Variants in PRKN observed in about 807,000 individuals in gnomAD.
The protein encoded by PRKN is E3 ubiquitin-protein ligase parkin.
In PRKN, 56 loss-of-function variants were observed where a neutral mutation model predicts 59.5. That is an observed-to-expected ratio of 0.94 (90% CI 0.76 to 1.18). PRKN has a LOEUF of 1.18. Among genes scored for constraint, PRKN ranks in the 50% most tolerant of loss-of-function variants. The pLI, the probability that PRKN is intolerant of heterozygous loss-of-function variation, is 0.00. For synonymous variants in PRKN, 250 were observed against 222.1 expected (o/e 1.13, Z -1.12); for missense variants, 657 against 596.4 (o/e 1.10, Z -1.06).
At chr6:162,345,149 G>T (rs577316877) in intron 2 of PRKN, among the ~76,000 whole-genome samples, 1 of 152,116 alleles carries the variant, frequency 6.6e-6, no homozygotes, top group African/African-American at 2.4e-5. Context: ...GAATAACTCC[G>T]AATACAACAC....
intron 9 of PRKN, among the ~76,000 whole-genome samples, chr6:161,476,477 A>C (rs1313766936): frequency 6.6e-6 from 1 of 152,192 alleles, no homozygotes; most frequent in East Asian, 1.9e-4. Context: ...TTTAGAACTC[A>C]GACACTTAAG....
intron 1 of PRKN, among the ~76,000 whole-genome samples, chr6:162,698,310 CA>C (rs34292307): frequency 0.79 from 119,515 of 152,036 alleles, 47,161 homozygotes; most frequent in East Asian, 0.97. Flanking sequence ...CAACTTCTTT[CA>C]CAGCCAGGAC....
At chr6:162,556,397 G>GTC (rs1779597733) in intron 1 of PRKN, among the ~76,000 whole-genome samples, 1 of 127,692 alleles carries the variant, frequency 7.8e-6, no homozygotes, top group South Asian at 2.7e-4. Context: ...GTGTGTGTGT[G>GTC]TGTGTGTCAG....
In PRKN at chr6:161,931,054, G is replaced by C. The variant is rs182274528; in HGVS notation, c.734+42248C>G. On this transcript the variant is annotated intron_variant, in intron 6 of 11. Coordinates refer to ENST00000366898, the MANE Select transcript of PRKN (RefSeq NM_004562.3). ...TGTTATTTTTAGCCACTACATTTGTGGTAATTGGTTATAGCAGCTGAAAAA... is the reference window on the plus strand; with the variant it reads ...TGTTATTTTTAGCCACTACATTTGTCGTAATTGGTTATAGCAGCTGAAAAA... Among the ~76,000 whole-genome samples the C allele has an allele frequency of 3.2e-3, 486 of 152,320 alleles. 2 individuals are homozygous for C. The highest frequency in any genetic ancestry group is 5.1e-3 in the Non-Finnish European group (349 of 68,032).
intron 2 of PRKN, among the ~76,000 whole-genome samples, chr6:162,359,549 T>C (rs902049803): frequency 2.0e-5 from 3 of 151,492 alleles, no homozygotes; most frequent in Non-Finnish European, 4.4e-5. Context: ...ATGAGTTAAG[T>C]ATTCCTTTTT....
intron 4 of PRKN, among the ~76,000 whole-genome samples, chr6:162,151,988 AC>A (rs772369359): frequency 1.3e-5 from 2 of 152,326 alleles, no homozygotes; most frequent in South Asian, 2.1e-4. Context: ...TGCTTTATGT[AC>A]CCTTAAATTA....
Position 161,363,726 on chromosome 6 carries a change from G to T in PRKN, c.1168-3521C>A, listed in dbSNP as rs1169172322. Among the ~76,000 whole-genome samples, 1 of 152,208 alleles carries T rather than the reference G, an allele frequency of 6.6e-6. No individual in the cohort carries two copies. The highest frequency in any genetic ancestry group is 1.5e-5 in the Non-Finnish European group (1 of 68,042). ...TAATGCATGGGTGCTGGCAGACAGT[G>T]ATGGTATCTTCAAAGCACTGACAGA... On this transcript the variant is annotated intron_variant, in intron 10 of 11. Coordinates refer to ENST00000366898, the MANE Select transcript of PRKN (RefSeq NM_004562.3). The surrounding 1 kb of genome is among the most constrained non-coding windows in gnomAD (Gnocchi z 4.1).
At chr6:162,647,979 T>G (rs910753643) in intron 1 of PRKN, among the ~76,000 whole-genome samples, 41 of 45,620 alleles carry the variant, frequency 9.0e-4, no homozygotes, top group Admixed American at 4.3e-3. Flanking sequence ...AAAAAAAAAG[T>G]CTACGGGGCA....
chr6:162,656,264 T>C (rs1314287280), intron 1 of PRKN, among the ~76,000 whole-genome samples: 1 of 152,222 alleles, frequency 6.6e-6, no homozygotes, highest in Non-Finnish European at 1.5e-5. Context: ...CCACTCTCAG[T>C]ACTTTTAAGT....
chr6:161,559,819 G>C (rs893332250), intron 8 of PRKN, among the ~76,000 whole-genome samples: 4 of 152,124 alleles, frequency 2.6e-5, no homozygotes, highest in African/African-American at 9.7e-5. Context: ...GAACTTGGAT[G>C]AACCAAAATA....
At chr6:162,011,430 ATATG>A (rs1386652110) in intron 5 of PRKN, among the ~76,000 whole-genome samples, 2 of 22,434 alleles carry the variant, frequency 8.9e-5, no homozygotes, top group African/African-American at 1.1e-3. Flanking sequence ...TTTATAATAT[ATATG>A]TTATATATTT....
At chr6:162,173,147 T>C (rs1353261905) in intron 4 of PRKN, among the ~76,000 whole-genome samples, 2 of 152,172 alleles carry the variant, frequency 1.3e-5, no homozygotes, top group African/African-American at 4.8e-5. Flanking sequence ...ACATTGGCCA[T>C]CCTCCTGGGT....
At chr6:162,419,611 C>T (rs1350538999) in intron 2 of PRKN, among the ~76,000 whole-genome samples, 1 of 152,120 alleles carries the variant, frequency 6.6e-6, no homozygotes, top group Non-Finnish European at 1.5e-5. Context: ...ACAGTGCCCA[C>T]AACGCTCCCA....
intron 2 of PRKN, among the ~76,000 whole-genome samples, chr6:162,377,624 T>A (rs1416435449): frequency 1.3e-5 from 2 of 152,258 alleles, no homozygotes; most frequent in East Asian, 3.9e-4. Flanking sequence ...AGCCTACAGA[T>A]CGGCTCCCTG....
chr6:162,130,133 A>T (rs1444953354), intron 4 of PRKN, among the ~76,000 whole-genome samples: 2 of 152,132 alleles, frequency 1.3e-5, no homozygotes, highest in Non-Finnish European at 2.9e-5. Flanking sequence ...CCCCAAATAC[A>T]GGAATCTACC....
At chr6:162,260,711 C>T (rs1346736471) in intron 3 of PRKN, among the ~76,000 whole-genome samples, 1 of 152,078 alleles carries the variant, frequency 6.6e-6, no homozygotes, top group African/African-American at 2.4e-5. Context: ...TATTAAAGAA[C>T]ATGAATATGT....
rs751843895 is a variant in PRKN, at chr6:161,545,459, A to G, written c.1083+3395T>C. 6.5e-7 allele frequency: 1 copy of G among 1,536,772 alleles called. No homozygotes were observed. The highest frequency in any genetic ancestry group is 1.1e-5 in the South Asian group (1 of 89,406). The stretch of plus-strand genomic sequence containing the variant: ...CATACTGTGAGAGCAAAGAGTAAAA[A>G]GAGATTCACCTTCTTCTAACTTTTA... On this transcript the variant is annotated intron_variant, in intron 9 of 11. Coordinates refer to ENST00000366898, the MANE Select transcript of PRKN (RefSeq NM_004562.3). This position sits in a 1 kb window ranked among gnomAD's most constrained non-coding sequence, Gnocchi z 4.1.
intron 5 of PRKN, among the ~76,000 whole-genome samples, chr6:162,021,138 AT>A (rs1395258502): frequency 0.25 from 15,866 of 62,910 alleles, 3,208 homozygotes; most frequent in East Asian, 0.65. Flanking sequence ...ATATATATAT[AT>A]ATATATATAT....
intron 9 of PRKN, among the ~76,000 whole-genome samples, chr6:161,508,524 A>G (rs1336465492): frequency 6.6e-6 from 1 of 152,196 alleles, no homozygotes; most frequent in Non-Finnish European, 1.5e-5. Context: ...GCCATATTGT[A>G]AGATCATTTC....
Sources: allele counts gnomAD v4.1 joint callset (sites outside exome capture counted in the v4.1 genomes callset), GRCh38; gene constraint gnomAD v4.1.1; non-coding constraint Gnocchi (gnomAD v3.1); transcripts MANE v1.5; gene names NCBI Gene and HGNC (gene_info 2026-07-23, HGNC 2026-07-21).